The following CDYL variants were observed in gnomAD, a reference collection of about 807,000 sequenced individuals.
CDYL encodes the protein chromodomain Y-like protein.
Under a neutral mutation model 47.3 loss-of-function variants are expected in CDYL, and 8 were observed. The observed-to-expected ratio is 0.17, with a 90% CI of 0.10 to 0.31. CDYL has a LOEUF of 0.31. Ranked by LOEUF, CDYL falls within the 10% of genes least tolerant of loss-of-function variation. The pLI, the probability that CDYL is intolerant of heterozygous loss-of-function variation, is 1.00. For synonymous variants in CDYL, 266 were observed against 265.0 expected (o/e 1.00, Z -0.04); for missense variants, 471 against 701.4 (o/e 0.67, Z 3.71).
At chr6:4,922,956 T>G (rs957131953) in intron 2 of CDYL, among the ~76,000 whole-genome samples, 1 of 152,194 alleles carries the variant, frequency 6.6e-6, no homozygotes, top group African/African-American at 2.4e-5. Context: ...TTTTATTTTT[T>G]ACTATTTTTA....
chr6:4,955,168 G>C lies in CDYL; in HGVS notation c.*1112G>C, dbSNP rs1257304301. The C allele has an allele frequency of 6.6e-6, 1 of 152,620 alleles. No individual in the cohort carries two copies. Among genetic ancestry groups the C allele is most frequent in the Non-Finnish European group, 1.5e-5 (1 of 68,034 alleles). 9.5% of individuals were successfully genotyped at this position (152,620 alleles called of 1,614,324 possible). A position where few individuals can be genotyped will look rare whatever the true frequency, so the allele number is the denominator to read the frequency against. ...ATACTGAGTTCAGTATGGTGTCCAA[G>C]AGTGCCCTGTGTGGATAGACATGTG... On this transcript the variant is annotated 3_prime_UTR_variant, in exon 7 of 7. Coordinates refer to ENST00000397588, the MANE Select transcript of CDYL (RefSeq NM_004824.4).
At position 4,946,509 on chromosome 6, in the gene CDYL, A is replaced by G. The variant is rs138770475; in HGVS notation, c.1332+2753A>G. On this transcript the variant is annotated intron_variant, in intron 5 of 6. Transcript: ENST00000397588. Reference sequence around the variant, plus strand: ...GTGAGCCAACCCACCCACAGGCCACACTCGGTCACAGGGAGTCCCCCCATG... The same window carrying G: ...GTGAGCCAACCCACCCACAGGCCACGCTCGGTCACAGGGAGTCCCCCCATG... Among the ~76,000 whole-genome samples, 320 of 152,050 alleles carry G rather than the reference A, an allele frequency of 2.1e-3. 2 individuals are homozygous for G. Among genetic ancestry groups the G allele is most frequent in the African/African-American group, 7.4e-3 (307 of 41,466 alleles).
At chr6:4,901,620 C>T (rs1007177984) in intron 2 of CDYL, among the ~76,000 whole-genome samples, 2 of 152,146 alleles carry the variant, frequency 1.3e-5, no homozygotes, top group African/African-American at 2.4e-5. Flanking sequence ...CTAGACTCTA[C>T]GTTAGAACCT....
At chr6:4,817,353 A>AT (rs1170267797) in intron 1 of CDYL, among the ~76,000 whole-genome samples, 3 of 146,760 alleles carry the variant, frequency 2.0e-5, no homozygotes, top group African/African-American at 7.7e-5. Flanking sequence ...TTTTAAGAGA[A>AT]TTAAAAAAAA....
Position 4,928,314 on chromosome 6 carries a change from A to T in CDYL, c.692-7201A>T, listed in dbSNP as rs1757939311. Among the ~76,000 whole-genome samples the T allele has an allele frequency of 5.9e-5, 9 of 151,816 alleles. 2 individuals carry two copies. Among genetic ancestry groups the T allele is most frequent in the African/African-American group, 2.2e-4 (9 of 41,398 alleles). On this transcript the variant is annotated intron_variant, in intron 2 of 6. Transcript: ENST00000397588. ...TTTTTATGTTTCTTAGTACAATTTG[A>T]TGTTTTCTGTTTGTTTATTCCATTT... is the stretch of plus-strand genomic sequence containing the variant.
chr6:4,741,587 G>A (rs1757797934), intron 3 of CDYL, among the ~76,000 whole-genome samples: 1 of 152,148 alleles, frequency 6.6e-6, no homozygotes, highest in Non-Finnish European at 1.5e-5. Flanking sequence ...GGAAGGAGAA[G>A]GGAAGGGCAT....
chr6:4,910,988 C>T (rs149573416), intron 2 of CDYL, among the ~76,000 whole-genome samples: 2 of 152,166 alleles, frequency 1.3e-5, no homozygotes, highest in Admixed American at 1.3e-4. Flanking sequence ...CGCCTGCCAC[C>T]ACGCCCGGCT....
chr6:4,939,187 T>C (rs1054413304), intron 4 of CDYL, among the ~76,000 whole-genome samples: 1 of 152,230 alleles, frequency 6.6e-6, no homozygotes, highest in African/African-American at 2.4e-5. Context: ...CTTTTGATAG[T>C]TACTAGGCTC....
intron 1 of CDYL, among the ~76,000 whole-genome samples, chr6:4,835,567 C>T (rs574141733): frequency 6.6e-6 from 1 of 152,356 alleles, no homozygotes; most frequent in South Asian, 2.1e-4. Context: ...CTCAGATCTC[C>T]AGCTGCGTGC....
chr6:4,749,416 GGATGGATGGATGAATGGATATGA>G (rs1033162546), intron 3 of CDYL, among the ~76,000 whole-genome samples: 4 of 151,902 alleles, frequency 2.6e-5, no homozygotes, highest in African/African-American at 9.7e-5. Flanking sequence ...AATGTATGAT[GGATGGATGGATGAATGGATATGA>G]GATGGATGGA....
intron 1 of CDYL, among the ~76,000 whole-genome samples, chr6:4,837,914 C>T (rs1210568970): frequency 2.0e-5 from 3 of 151,702 alleles, no homozygotes; most frequent in Non-Finnish European, 4.4e-5. Context: ...TCTAGGACTA[C>T]AGGCGTGCAC....
intron 1 of CDYL, among the ~76,000 whole-genome samples, chr6:4,832,946 G>A (rs1228729327): frequency 8.5e-4 from 126 of 148,034 alleles, no homozygotes; most frequent in African/African-American, 2.3e-3. Context: ...TTTTTATTGC[G>A]TCTATTTGAT....
intron 1 of CDYL, among the ~76,000 whole-genome samples, chr6:4,789,584 G>C (rs1318421120): frequency 3.9e-5 from 6 of 152,302 alleles, no homozygotes; most frequent in Non-Finnish European, 7.4e-5. Context: ...TCCTTGAGGA[G>C]CTCTGCAGTG....
chr6:4,718,822 CT>C (rs566052005), intron 2 of CDYL, among the ~76,000 whole-genome samples: 158 of 151,730 alleles, frequency 1.0e-3, no homozygotes, highest in African/African-American at 3.6e-3. Flanking sequence ...ACATATGCAT[CT>C]ACATTATCAT....
At chr6:4,795,569 G>A (rs1368790344) in intron 1 of CDYL, among the ~76,000 whole-genome samples, 1 of 151,984 alleles carries the variant, frequency 6.6e-6, no homozygotes, top group Non-Finnish European at 1.5e-5. Flanking sequence ...TGATTTATGA[G>A]TACTATTTCT....
rs56956798 is a variant in CDYL at position 4,730,674 on chromosome 6, CAAAAAAAAAAAAA to C, written c.104-4074_104-4062del. Among the ~76,000 whole-genome samples, 118 of 60,452 alleles carry C rather than the reference CAAAAAAAAAAAAA, an allele frequency of 2.0e-3. 1 individual carries two copies. The South Asian group carries it at 0.047, about 24-fold the overall frequency. 39.7% of individuals were successfully genotyped at this position (60,452 alleles called of 152,430 possible). A position where few individuals can be genotyped will look rare whatever the true frequency, so the allele number is the denominator to read the frequency against. On this transcript the variant is annotated intron_variant, in intron 2 of 8. Coordinates refer to the CDYL transcript ENST00000328908. ...GGGCAACAAGAGCGAAATTCCATCT[CAAAAAAAAAAAAA>C]AAAAAAAAAAAAAGAACATACCTCT...
At chr6:4,809,025 T>TTTCCCA (rs1759451150) in intron 1 of CDYL, among the ~76,000 whole-genome samples, 1 of 152,208 alleles carries the variant, frequency 6.6e-6, no homozygotes, top group African/African-American at 2.4e-5. Flanking sequence ...TCGTTCCAGC[T>TTTCCCA]TTCCCATTCC....
chr6:4,795,834 T>C (rs1383019212), intron 1 of CDYL, among the ~76,000 whole-genome samples: 1 of 152,228 alleles, frequency 6.6e-6, no homozygotes, highest in East Asian at 1.9e-4. Context: ...CTCATTGAGT[T>C]GAACATTGAG....
intron 1 of CDYL, among the ~76,000 whole-genome samples, chr6:4,870,018 ATCTT>A: frequency 6.6e-6 from 1 of 152,112 alleles, no homozygotes; most frequent in Non-Finnish European, 1.5e-5. Flanking sequence ...ATTTGGGAAT[ATCTT>A]TATTTTGCTT....
Sources: gnomAD v4.1 joint callset for allele counts (sites outside exome capture counted in the v4.1 genomes callset) on GRCh38, gnomAD v4.1.1 for gene constraint, MANE v1.5 for transcripts, NCBI Gene and HGNC (gene_info 2026-07-23, HGNC 2026-07-21) for gene names.